RALGPS1: variants seen among roughly 807,000 people sequenced by gnomAD.
RALGPS1 encodes the protein ras-specific guanine nucleotide-releasing factor RalGPS1.
RALGPS1 carries 19 observed loss-of-function variants against 78.8 expected under a neutral mutation model. The observed-to-expected ratio is 0.24, with a 90% CI of 0.17 to 0.35. RALGPS1 has a LOEUF of 0.35. Among genes scored for constraint, RALGPS1 ranks in the 10% least tolerant of loss-of-function variants. The pLI, the probability that RALGPS1 is intolerant of heterozygous loss-of-function variation, is 1.00. For synonymous variants in RALGPS1, 228 were observed against 256.3 expected (o/e 0.89, Z 1.06); for missense variants, 454 against 688.3 (o/e 0.66, Z 3.81).
intron 3 of RALGPS1, among the ~76,000 whole-genome samples, chr9:126,971,455 G>T (rs547799398): frequency 6.6e-6 from 1 of 151,864 alleles, no homozygotes; most frequent in East Asian, 1.9e-4. Context: ...TACAGGAAAT[G>T]ATTAGATTAC....
At chr9:127,018,761 G>A (rs1486271032) in intron 4 of RALGPS1, among the ~76,000 whole-genome samples, 1 of 151,968 alleles carries the variant, frequency 6.6e-6, no homozygotes, top group East Asian at 1.9e-4. Flanking sequence ...AATTGTATGT[G>A]CTGTACCTTT....
intron 18 of RALGPS1, chr9:127,217,092 T>TGACAGCAGCCCCA: frequency 7.2e-7 from 1 of 1,383,050 alleles, no homozygotes; most frequent in Non-Finnish European, 9.4e-7. Context: ...GGCCAGAGGA[T>TGACAGCAGCCCCA]GACAGCAGCC....
chr9:127,199,765 C>A (rs1321157323), intron 14 of RALGPS1, among the ~76,000 whole-genome samples: 1 of 152,216 alleles, frequency 6.6e-6, no homozygotes, highest in Non-Finnish European at 1.5e-5. Flanking sequence ...GGGGTACCCC[C>A]ACAGCCATGG....
Position 127,034,635 on chromosome 9 carries a change from C to T in RALGPS1, c.300+121C>T, listed in dbSNP as rs2134665946. On this transcript the variant is annotated intron_variant, in intron 5 of 18. Coordinates refer to ENST00000259351, the MANE Select transcript of RALGPS1 (RefSeq NM_014636.3). Reference sequence around the variant, plus strand: ...CCAGCTGGCCCCAGATCCAGCTTCTCATATGAGTCCCCCACCTTTATCCAG... The same window carrying T: ...CCAGCTGGCCCCAGATCCAGCTTCTTATATGAGTCCCCCACCTTTATCCAG... 1.9e-5 allele frequency: 15 copies of T among 798,072 alleles called. No individual in the cohort carries two copies. The South Asian group carries it at 2.2e-4, about 12-fold the overall frequency. The allele number at this position is 798,072 out of a possible 1,614,324, so 49.4% of individuals were successfully genotyped here.
intron 2 of RALGPS1, among the ~76,000 whole-genome samples, 164 bp from the exon 3 acceptor site, chr9:126,965,680 G>A (rs982818963): frequency 6.6e-6 from 1 of 152,222 alleles, no homozygotes; most frequent in African/African-American, 2.4e-5. Flanking sequence ...TACACATGCA[G>A]TGCTTAACAT....
chr9:127,097,850 G>T (rs2053305425), intron 8 of RALGPS1, among the ~76,000 whole-genome samples: 1 of 152,198 alleles, frequency 6.6e-6, no homozygotes, highest in African/African-American at 2.4e-5. Flanking sequence ...CAATCTCGAT[G>T]GCCTCACCTA....
At chr9:127,099,743 C>T (rs918363862) in intron 8 of RALGPS1, among the ~76,000 whole-genome samples, 2 of 152,202 alleles carry the variant, frequency 1.3e-5, no homozygotes, top group Admixed American at 1.3e-4. Context: ...AAACAATAAC[C>T]TAAACACAGG....
At chr9:127,171,407 A>G (rs2059559895) in intron 10 of RALGPS1, among the ~76,000 whole-genome samples, 1 of 152,186 alleles carries the variant, frequency 6.6e-6, no homozygotes, top group Admixed American at 6.5e-5. Context: ...TGCTCTTTAA[A>G]TATTTATTTA....
chr9:127,205,973 C>G lies in RALGPS1; in HGVS notation c.1248-6158C>G, dbSNP rs1403156221. Among the ~76,000 whole-genome samples the G allele has an allele frequency of 1.3e-5, 2 of 152,182 alleles. No individual in the cohort carries two copies. The highest frequency in any genetic ancestry group is 4.8e-5 in the African/African-American group (2 of 41,430). On this transcript the variant is annotated intron_variant, in intron 14 of 18. Coordinates refer to ENST00000259351, the MANE Select transcript of RALGPS1 (RefSeq NM_014636.3). The surrounding 1 kb of genome is among the most constrained non-coding windows in gnomAD (Gnocchi z 4.0). ...CCCACTTAGTGAATCAGGGACATTG[C>G]CCAGAGAAGAGTGGGTGGCCCATAG...
chr9:127,096,741 G>T (rs1372660671), intron 8 of RALGPS1, among the ~76,000 whole-genome samples: 1 of 152,222 alleles, frequency 6.6e-6, no homozygotes, highest in East Asian at 1.9e-4. Flanking sequence ...ACACAATTCT[G>T]TATACAGTTT....
At chr9:127,069,475 C>T in intron 8 of RALGPS1, 119 bp downstream of exon 8, 1 of 1,195,370 alleles carries the variant, frequency 8.4e-7, no homozygotes, top group Non-Finnish European at 1.2e-6. Flanking sequence ...GATAAAGAGG[C>T]AATTGGTTGG....
At chr9:127,042,770 AT>A (rs1483273432) in intron 5 of RALGPS1, among the ~76,000 whole-genome samples, 36 of 152,342 alleles carry the variant, frequency 2.4e-4, no homozygotes, top group Admixed American at 2.2e-3. Context: ...TAGATAGAAA[AT>A]TCCAAAGAAA....
intron 7 of RALGPS1, among the ~76,000 whole-genome samples, chr9:127,054,033 CA>C (rs536717745): frequency 9.2e-5 from 14 of 152,174 alleles, no homozygotes; most frequent in Non-Finnish European, 2.1e-4. Context: ...TGGGTGCCGC[CA>C]GGGGCTGAGA....
At chr9:127,114,991 G>C (rs1022180244) in intron 8 of RALGPS1, among the ~76,000 whole-genome samples, 1 of 152,232 alleles carries the variant, frequency 6.6e-6, no homozygotes, top group Non-Finnish European at 1.5e-5. Context: ...GGTAATCCAA[G>C]ATGTGGGAGG....
At chr9:126,923,336 GC>G (rs1588452497) in intron 1 of RALGPS1, among the ~76,000 whole-genome samples, 2 of 152,334 alleles carry the variant, frequency 1.3e-5, no homozygotes. Context: ...TGTGAGAGAA[GC>G]TGAGGGTCCT....
intron 1 of RALGPS1, among the ~76,000 whole-genome samples, chr9:126,955,192 T>C (rs2131889161): frequency 6.6e-6 from 1 of 152,356 alleles, no homozygotes; most frequent in Non-Finnish European, 1.5e-5. Flanking sequence ...TTCTTTGTTA[T>C]GTTTATTTTC....
At chr9:127,088,504 T>C (rs2052042724) in intron 8 of RALGPS1, 1 of 178,882 alleles carries the variant, frequency 5.6e-6, no homozygotes, top group African/African-American at 2.4e-5. Context: ...ACTGAATATA[T>C]GTGTATTTAG....
At chr9:127,176,450 G>A (rs1044678072) in intron 11 of RALGPS1, among the ~76,000 whole-genome samples, 4 of 152,228 alleles carry the variant, frequency 2.6e-5, no homozygotes, top group East Asian at 1.9e-4. Flanking sequence ...TCAGAAGACT[G>A]TAGGAGACAG....
intron 8 of RALGPS1, among the ~76,000 whole-genome samples, chr9:127,132,252 A>C (rs764525655): frequency 2.0e-5 from 3 of 152,324 alleles, no homozygotes; most frequent in Non-Finnish European, 4.4e-5. Flanking sequence ...TGAATGTGAA[A>C]CAAACTTCAT....
Sources: allele counts gnomAD v4.1 joint callset (sites outside exome capture counted in the v4.1 genomes callset), GRCh38; gene constraint gnomAD v4.1.1; non-coding constraint Gnocchi (gnomAD v3.1); transcripts MANE v1.5; gene names NCBI Gene and HGNC (gene_info 2026-07-23, HGNC 2026-07-21).